The following ADGRB3 variants were observed in gnomAD, a reference collection of about 807,000 sequenced individuals.
ADGRB3 encodes the protein adhesion G protein-coupled receptor B3.
Under a neutral mutation model 193.4 loss-of-function variants are expected in ADGRB3, and 37 were observed. The ratio of observed to expected loss-of-function variants is 0.19; its 90% CI spans 0.15 to 0.25. The LOEUF is 0.25. ADGRB3 is among the 10% of genes least tolerant of loss of function. ADGRB3 has a pLI of 1.00. For missense variants in ADGRB3, 1,637 were observed against 1,852.9 expected (o/e 0.88, Z 2.14); for synonymous variants, 690 against 644.2 (o/e 1.07, Z -1.08).
chr6:69,238,519 T>C (rs566452904), intron 19 of ADGRB3, among the ~76,000 whole-genome samples: 1 of 152,232 alleles, frequency 6.6e-6, no homozygotes, highest in African/African-American at 2.4e-5. Context: ...GGATTGGATT[T>C]ATTTTTAGAA....
At chr6:68,655,225 G>A (rs1165958914) in intron 3 of ADGRB3, among the ~76,000 whole-genome samples, 1 of 151,314 alleles carries the variant, frequency 6.6e-6, no homozygotes, top group Non-Finnish European at 1.5e-5. Context: ...AGACTCCCTG[G>A]GTTCCAGTCC....
At chr6:69,018,522 A>C (rs1770163165) in intron 13 of ADGRB3, 23 bp downstream of exon 13, 1 of 1,525,708 alleles carries the variant, frequency 6.6e-7, no homozygotes, top group South Asian at 1.1e-5. Context: ...ATTTTCCCCC[A>C]AAATCTTTCT....
chr6:69,131,209 C>A (rs932890506), intron 17 of ADGRB3, among the ~76,000 whole-genome samples: 1 of 151,974 alleles, frequency 6.6e-6, no homozygotes, highest in Non-Finnish European at 1.5e-5. Flanking sequence ...GAAGTCAAAG[C>A]AAGTCATGAA....
At position 69,137,430 on chromosome 6, in the gene ADGRB3, G is replaced by A. The variant is rs553558473; in HGVS notation, c.2480+61392G>A. Among the ~76,000 whole-genome samples, 5 of 151,472 alleles carry A rather than the reference G, an allele frequency of 3.3e-5. No individual in the cohort carries two copies. The South Asian group carries it at 6.2e-4, about 19-fold the overall frequency. On this transcript the variant is annotated intron_variant, in intron 17 of 31. Coordinates refer to ENST00000370598, the MANE Select transcript of ADGRB3 (RefSeq NM_001704.3). ...GCTGTGGCAAATCAAACACACACAC[G>A]CAAAAACAAATCAATCAGAAGCTTA...
intron 16 of ADGRB3, among the ~76,000 whole-genome samples, chr6:69,070,595 T>G (rs1233554428): frequency 6.6e-6 from 1 of 152,214 alleles, no homozygotes; most frequent in Non-Finnish European, 1.5e-5. Flanking sequence ...ATGTGTATCA[T>G]GAGCAGTGAT....
intron 20 of ADGRB3, among the ~76,000 whole-genome samples, chr6:69,244,260 A>C (rs1766444112): frequency 6.6e-6 from 1 of 151,986 alleles, no homozygotes; most frequent in Non-Finnish European, 1.5e-5. Flanking sequence ...CCTTTTATAA[A>C]GATGTTATAT....
intron 20 of ADGRB3, among the ~76,000 whole-genome samples, chr6:69,259,434 G>A (rs915056907): frequency 3.9e-5 from 6 of 152,070 alleles, no homozygotes; most frequent in Admixed American, 3.3e-4. Flanking sequence ...GGTGGCTCAC[G>A]CCTGTAATCT....
intron 20 of ADGRB3, among the ~76,000 whole-genome samples, chr6:69,273,909 A>T (rs965480549): frequency 6.6e-6 from 1 of 152,214 alleles, no homozygotes; most frequent in Non-Finnish European, 1.5e-5. Flanking sequence ...CCTGAGGTGT[A>T]GTTAGAAAAA....
At chr6:68,866,031 A>G (rs1196646717) in intron 3 of ADGRB3, among the ~76,000 whole-genome samples, 2 of 152,162 alleles carry the variant, frequency 1.3e-5, no homozygotes, top group Non-Finnish European at 2.9e-5. Flanking sequence ...CTCAGAGAAC[A>G]ATGAGGGAGG....
intron 13 of ADGRB3, among the ~76,000 whole-genome samples, chr6:69,034,449 T>A (rs557543663): frequency 2.5e-3 from 379 of 150,738 alleles, no homozygotes; most frequent in Middle Eastern, 7.0e-3. Flanking sequence ...TATTTTGTAA[T>A]ATAATTTAGA....
At chr6:69,246,733 C>A (rs1003828447) in intron 20 of ADGRB3, among the ~76,000 whole-genome samples, 2 of 152,174 alleles carry the variant, frequency 1.3e-5, no homozygotes, top group Admixed American at 1.3e-4. Context: ...ATTACTGAAA[C>A]GATTGAGATG....
intron 17 of ADGRB3, among the ~76,000 whole-genome samples, chr6:69,198,810 A>G (rs1009476940): frequency 6.6e-6 from 1 of 152,136 alleles, no homozygotes. Flanking sequence ...AATGATGCCT[A>G]AATATGGTGT....
In ADGRB3 at chr6:69,388,858, T is replaced by A. The variant is rs775151064; in HGVS notation, c.4536T>A (p.Asp1512Glu). The A allele has an allele frequency of 6.2e-7, 1 of 1,612,800 alleles. No homozygotes were observed. The highest frequency in any genetic ancestry group is 1.7e-5 in the Admixed American group (1 of 59,792). Residue 1512 changes from aspartate to glutamate, a missense_variant, in exon 32 of 32, where the codon GAT (aspartate) becomes GAA (glutamate). Transcript: ENST00000370598. ...EWEKCLNLPL[D>E]VQEGDFQTEV ...AGAAGTGTCTGAATTTGCCTCTGGA[T>A]GTGCAAGAGGGTGACTTTCAAACAG...
chr6:69,385,514 AT>A (rs1344437348), intron 31 of ADGRB3, among the ~76,000 whole-genome samples: 4 of 152,164 alleles, frequency 2.6e-5, no homozygotes, highest in Non-Finnish European at 5.9e-5. Flanking sequence ...ATTTCTACTG[AT>A]GCAGCTTAAG....
chr6:68,985,523 G>A (rs566598072), intron 10 of ADGRB3, among the ~76,000 whole-genome samples: 1 of 152,226 alleles, frequency 6.6e-6, no homozygotes, highest in African/African-American at 2.4e-5. Context: ...TCACCCCCTT[G>A]ATGTTAGGTA....
intron 10 of ADGRB3, among the ~76,000 whole-genome samples, chr6:68,976,431 G>GT (rs1405311145): frequency 4.6e-5 from 7 of 152,086 alleles, no homozygotes; most frequent in Middle Eastern, 3.4e-3. Context: ...TCTATATACA[G>GT]TTGACCCTTG....
intron 28 of ADGRB3, among the ~76,000 whole-genome samples, chr6:69,356,069 A>C (rs1367389391): frequency 6.6e-6 from 1 of 152,192 alleles, no homozygotes. Context: ...GTAGGATATT[A>C]GGGAACTTAC....
At chr6:69,324,806 T>C in intron 20 of ADGRB3, 66 bp from the exon 21 acceptor site, 1 of 1,541,516 alleles carries the variant, frequency 6.5e-7, no homozygotes, top group East Asian at 2.3e-5. Flanking sequence ...AACAATCCCC[T>C]GAAGAACATA....
At chr6:68,814,418 T>C (rs1263106117) in intron 3 of ADGRB3, among the ~76,000 whole-genome samples, 2 of 152,204 alleles carry the variant, frequency 1.3e-5, no homozygotes, top group Non-Finnish European at 2.9e-5. Flanking sequence ...GTTTTTTTCT[T>C]GTAAATTTGT....
Sources: gnomAD v4.1 joint callset for allele counts (sites outside exome capture counted in the v4.1 genomes callset) on GRCh38, gnomAD v4.1.1 for gene constraint, MANE v1.5 for transcripts, NCBI Gene and HGNC (gene_info 2026-07-23, HGNC 2026-07-21) for gene names.